The following CADM2 variants were observed in gnomAD, a reference collection of about 807,000 sequenced individuals.
The protein encoded by CADM2 is cell adhesion molecule 2.
Under a neutral mutation model 49.8 loss-of-function variants are expected in CADM2, and 12 were observed. That is an observed-to-expected ratio of 0.24 (90% confidence interval 0.15 to 0.39). The LOEUF (loss-of-function observed/expected upper bound fraction) is 0.39. Ranked by LOEUF, CADM2 falls within the 10% of genes least tolerant of loss-of-function variation. The pLI, the probability that CADM2 is intolerant of heterozygous loss-of-function variation, is 1.00. For synonymous variants in CADM2, 214 were observed against 175.4 expected (o/e 1.22, Z -1.74); for missense variants, 378 against 492.3 (o/e 0.77, Z 2.20).
chr3:86,005,509 C>T (rs1269580941), intron 8 of CADM2, among the ~76,000 whole-genome samples: 2 of 151,690 alleles, frequency 1.3e-5, no homozygotes, highest in Non-Finnish European at 2.9e-5. Context: ...CGAGATCACA[C>T]CATTCCACTT....
intron 1 of CADM2, among the ~76,000 whole-genome samples, chr3:85,637,350 C>T (rs1163640868): frequency 6.6e-6 from 1 of 151,652 alleles, no homozygotes; most frequent in Non-Finnish European, 1.5e-5. Context: ...CGCCTGTAAT[C>T]CCAGCACTTT....
intron 2 of CADM2, among the ~76,000 whole-genome samples, chr3:85,771,177 T>C (rs1204174399): frequency 5.3e-5 from 8 of 152,188 alleles, no homozygotes; most frequent in Non-Finnish European, 1.2e-4. Context: ...GTGTTGTGTT[T>C]AGTGAAGCAT....
intron 5 of CADM2, among the ~76,000 whole-genome samples, chr3:85,903,200 T>C (rs1018973996): frequency 1.3e-5 from 2 of 152,108 alleles, no homozygotes; most frequent in Non-Finnish European, 2.9e-5. Flanking sequence ...TTTGTTTCCC[T>C]GAATAATCTT....
intron 1 of CADM2, among the ~76,000 whole-genome samples, chr3:85,273,483 T>C (rs892363284): frequency 1.3e-5 from 2 of 151,372 alleles, no homozygotes; most frequent in African/African-American, 4.8e-5. Context: ...AGTGGAGGCA[T>C]TGACAAGTAG....
At chr3:85,418,886 C>T (rs900534598) in intron 1 of CADM2, among the ~76,000 whole-genome samples, 19 of 151,962 alleles carry the variant, frequency 1.3e-4, no homozygotes, top group Non-Finnish European at 2.4e-4. Context: ...TGGAATTTAT[C>T]CATCTATACT....
chr3:85,978,395 C>T (rs780813869), intron 8 of CADM2, among the ~76,000 whole-genome samples: 12 of 151,598 alleles, frequency 7.9e-5, no homozygotes, highest in Non-Finnish European at 1.8e-4. Flanking sequence ...CAATGTTACA[C>T]TTCAAGTATA....
chr3:85,833,050 CTATT>C (rs1475552945), intron 3 of CADM2, among the ~76,000 whole-genome samples: 1 of 151,880 alleles, frequency 6.6e-6, no homozygotes, highest in African/African-American at 2.4e-5. Flanking sequence ...TTTTCTGCAT[CTATT>C]TATCAAAAGC....
chr3:85,429,378 A>G (rs1002271070), intron 1 of CADM2, among the ~76,000 whole-genome samples: 5 of 152,120 alleles, frequency 3.3e-5, no homozygotes, highest in African/African-American at 1.2e-4. Flanking sequence ...ACATGCTCCA[A>G]AGTATAAAGG....
intron 1 of CADM2, among the ~76,000 whole-genome samples, chr3:85,134,652 C>T (rs2039360724): frequency 6.6e-6 from 1 of 152,128 alleles, no homozygotes; most frequent in Non-Finnish European, 1.5e-5. Flanking sequence ...ATGTCTTTTA[C>T]TTGATAAGAT....
intron 3 of CADM2, among the ~76,000 whole-genome samples, chr3:85,826,410 A>T (rs1268915539): frequency 6.6e-6 from 1 of 152,082 alleles, no homozygotes; most frequent in Non-Finnish European, 1.5e-5. Context: ...CATTAAAATA[A>T]CAGTAATGAA....
intron 1 of CADM2, among the ~76,000 whole-genome samples, chr3:85,231,089 A>C (rs2042276360): frequency 6.6e-6 from 1 of 152,090 alleles, no homozygotes; most frequent in Non-Finnish European, 1.5e-5. Flanking sequence ...TCTGTGTCCT[A>C]AATCTCTTCT....
chr3:84,963,623 T>C (rs1419525936), intron 1 of CADM2, among the ~76,000 whole-genome samples: 3 of 152,132 alleles, frequency 2.0e-5, no homozygotes, highest in Non-Finnish European at 4.4e-5. Flanking sequence ...TTGTTACATT[T>C]AGTAAAAATA....
rs569056342 is a variant in CADM2, at chr3:84,973,713, A to G, written c.61+14045A>G. Among the ~76,000 whole-genome samples the G allele has an allele frequency of 2.8e-5, 4 of 144,022 alleles. No homozygotes were observed. In the East Asian group the frequency reaches 7.8e-4, roughly 28 times the overall value. The allele number at this position is 144,022 out of a possible 152,430, so 94.5% of individuals were successfully genotyped here. A position where few individuals can be genotyped will look rare whatever the true frequency, so the allele number is the denominator to read the frequency against. ...TGATGTTACCAGCAACATTCATTCA[A>G]AGAGCCGCTGATGCCTCAGGGAAAA... On this transcript the variant is annotated intron_variant, in intron 1 of 9. Transcript: ENST00000383699.
At chr3:85,150,548 C>T (rs1559690153) in intron 1 of CADM2, among the ~76,000 whole-genome samples, 1 of 152,010 alleles carries the variant, frequency 6.6e-6, no homozygotes, top group Non-Finnish European at 1.5e-5. Context: ...GAGAAAATGA[C>T]CCTACCAGTT....
intron 1 of CADM2, among the ~76,000 whole-genome samples, chr3:85,224,232 C>G (rs953281367): frequency 7.9e-5 from 12 of 152,104 alleles, no homozygotes; most frequent in African/African-American, 2.4e-4. Flanking sequence ...AATGTAAAAG[C>G]ATTGCTATTT....
intron 1 of CADM2, among the ~76,000 whole-genome samples, chr3:85,288,567 G>A (rs1383849864): frequency 6.6e-6 from 1 of 152,048 alleles, no homozygotes; most frequent in Admixed American, 6.6e-5. Flanking sequence ...ATGCTCTGCA[G>A]AATTTGTAAT....
At position 85,478,196 on chromosome 3, in the gene CADM2, A is replaced by C. The variant is rs1186877862; in HGVS notation, c.62-248326A>C. On this transcript the variant is annotated intron_variant, in intron 1 of 9. Coordinates refer to ENST00000383699, the MANE Select transcript of CADM2 (RefSeq NM_001167675.2). The stretch of plus-strand genomic sequence containing the variant: ...CACAGCATAATACGTGGTAGTCCAA[A>C]TGCAAGATTTCCATATAATCTAAAG... Among the ~76,000 whole-genome samples, 3 of 152,012 alleles carry C rather than the reference A, an allele frequency of 2.0e-5. No homozygotes were observed. The East Asian group carries it at 5.8e-4, about 29-fold the overall frequency.
intron 7 of CADM2, among the ~76,000 whole-genome samples, chr3:85,959,792 T>C (rs531265658): frequency 4.6e-4 from 70 of 152,114 alleles, no homozygotes; most frequent in Middle Eastern, 3.4e-3. Flanking sequence ...TATAGCATAA[T>C]CAATAGGCTA....
At chr3:85,552,986 AT>A (rs1189833477) in intron 1 of CADM2, among the ~76,000 whole-genome samples, 12 of 151,970 alleles carry the variant, frequency 7.9e-5, no homozygotes, top group Non-Finnish European at 1.6e-4. Context: ...CTCTTAGTTT[AT>A]TTTTTAAAAA....
Sources: allele counts gnomAD v4.1 joint callset (sites outside exome capture counted in the v4.1 genomes callset), GRCh38; gene constraint gnomAD v4.1.1; transcripts MANE v1.5; gene names NCBI Gene and HGNC (gene_info 2026-07-23, HGNC 2026-07-21).